Variants in NOS1 observed in about 807,000 individuals in gnomAD.
NOS1 encodes NOS type I.
Under a neutral mutation model 164.5 loss-of-function variants are expected in NOS1, and 51 were observed. That is an observed-to-expected ratio of 0.31 (90% CI 0.25 to 0.39). The LOEUF (loss-of-function observed/expected upper bound fraction) is 0.39. Among genes scored for constraint, NOS1 ranks in the 10% least tolerant of loss-of-function variants. The pLI is 1.00. For missense variants in NOS1, 1,362 were observed against 1,885.6 expected, an observed-to-expected ratio of 0.72 and a Z score of 5.14; for synonymous variants, 719 against 745.8, an observed-to-expected ratio of 0.96 and a Z score of 0.59.
At position 117,209,375 on chromosome 12, in the gene NOS1, C is replaced by T; in HGVS notation, c.*5934G>A. 1.0e-6 allele frequency: 1 copy of T among 983,974 alleles called. No homozygotes were observed. Among genetic ancestry groups the T allele is most frequent in the African/African-American group, 1.7e-5 (1 of 57,332 alleles). The allele number at this position is 983,974 out of a possible 1,614,324, so 61.0% of individuals were successfully genotyped here. A position where few individuals can be genotyped will look rare whatever the true frequency, so the allele number is the denominator to read the frequency against. On this transcript the variant is annotated 3_prime_UTR_variant, in exon 29 of 29. Coordinates refer to ENST00000317775, the MANE Select transcript of NOS1 (RefSeq NM_000620.5). Reference sequence around the variant, plus strand: ...GCCCCCACAAGAAAGAATTACCCAGCCCCAAATGCCAATAGTGCTAAGGTT... The same window carrying T: ...GCCCCCACAAGAAAGAATTACCCAGTCCCAAATGCCAATAGTGCTAAGGTT...
chr12:117,359,879 TATATA>T (rs1877043381), intron 1 of NOS1, among the ~76,000 whole-genome samples: 4 of 24,070 alleles, frequency 1.7e-4, no homozygotes, highest in Non-Finnish European at 2.4e-4. Context: ...AATGGTTTTA[TATATA>T]TATATATATA....
chr12:117,225,344 T>C (rs556284864), intron 24 of NOS1, among the ~76,000 whole-genome samples: 1 of 152,242 alleles, frequency 6.6e-6, no homozygotes, highest in Admixed American at 6.5e-5. Flanking sequence ...TTCTGGCTAT[T>C]TCTCCATTCC....
rs536990098 is a variant in NOS1 at position 117,242,845 on chromosome 12, G to T, written c.2963-140C>A. ...GTGGGAGGATCACTTGAGGCCAGGGGTTCAAGACCAGCCTGGGAAACATAA... is the reference window on the plus strand; with the variant it reads ...GTGGGAGGATCACTTGAGGCCAGGGTTTCAAGACCAGCCTGGGAAACATAA... On this transcript the variant is annotated intron_variant, in intron 19 of 28. Coordinates refer to ENST00000317775, the MANE Select transcript of NOS1 (RefSeq NM_000620.5). 72 of 699,374 alleles carry T rather than the reference G, an allele frequency of 1.0e-4. No individual in the cohort carries two copies. The African/African-American group carries it at 1.2e-3, about 11-fold the overall frequency. The allele number at this position is 699,374 out of a possible 1,614,324, so 43.3% of individuals were successfully genotyped here.
intron 15 of NOS1, among the ~76,000 whole-genome samples, chr12:117,258,683 C>T (rs1871654775): frequency 6.6e-6 from 1 of 152,156 alleles, no homozygotes; most frequent in South Asian, 2.1e-4. Context: ...ACCCCCAGCA[C>T]ACAACTTCCC....
At position 117,211,701 on chromosome 12, in the gene NOS1, G is replaced by C; in HGVS notation, c.*3608C>G. 1 of 985,458 alleles carries C rather than the reference G, an allele frequency of 1.0e-6. No individual in the cohort carries two copies. Among genetic ancestry groups the C allele is most frequent in the Non-Finnish European group, 1.2e-6 (1 of 830,026 alleles). The allele number at this position is 985,458 out of a possible 1,614,324, so 61.0% of individuals were successfully genotyped here. On this transcript the variant is annotated 3_prime_UTR_variant, in exon 29 of 29. Transcript: ENST00000317775. Reference sequence around the variant, plus strand: ...AACTCTTACCTTCCAGAAGCTACCAGTGAAATCCCGCCCATTTCTCAAACC... The same window carrying C: ...AACTCTTACCTTCCAGAAGCTACCACTGAAATCCCGCCCATTTCTCAAACC...
At chr12:117,276,626 C>T (rs1009319406) in intron 9 of NOS1, among the ~76,000 whole-genome samples, 1 of 152,010 alleles carries the variant, frequency 6.6e-6, no homozygotes, top group African/African-American at 2.4e-5. Context: ...CCCCTCACCC[C>T]CTCCACTACC....
In NOS1 at chr12:117,256,284, G is replaced by GTTTTTTTTTTTTTTTTTTTTTTTT. The variant is rs57047376; in HGVS notation, c.2531+2112_2531+2113insAAAAAAAAAAAAAAAAAAAAAAAA. 2.1e-3 allele frequency among the ~76,000 whole-genome samples: 251 copies of GTTTTTTTTTTTTTTTTTTTTTTTT among 118,416 alleles called. 27 individuals carry two copies. The highest frequency in any genetic ancestry group is 6.2e-3 in the African/African-American group (162 of 26,136). The allele number at this position is 118,416 out of a possible 152,430, so 77.7% of individuals were successfully genotyped here. A position where few individuals can be genotyped will look rare whatever the true frequency, so the allele number is the denominator to read the frequency against. ...CAAAGAAAATCAGAAGGGATTTTCT[G>GTTTTTTTTTTTTTTTTTTTTTTTT]TTTTTTTTTTTTGAGACGGAGTCTC... is the stretch of plus-strand genomic sequence containing the variant. On this transcript the variant is annotated intron_variant, in intron 16 of 28. Coordinates refer to ENST00000317775, the MANE Select transcript of NOS1 (RefSeq NM_000620.5).
In NOS1 at chr12:117,227,585, C is replaced by T; in HGVS notation, c.3462G>A (p.Val1154=). The part of the protein sequence containing the change: ...KWGKNPTIVE[V]LEEFPSIQMP... ...TCTGGATAGATGGGAACTCCTCCAG[C>T]ACCTCCACGATGGTGGGGTTCTTGC... is the stretch of plus-strand genomic sequence containing the variant. Residue 1154 remains valine (V), a synonymous_variant, in exon 23 of 29, where the codon GTG becomes GTA. Transcript: ENST00000317775. 6.2e-7 allele frequency: 1 copy of T among 1,613,992 alleles called. No homozygotes were observed. The highest frequency in any genetic ancestry group is 1.1e-5 in the South Asian group (1 of 91,042).
At chr12:117,255,807 GT>G (rs1433419008) in intron 16 of NOS1, 2 of 459,320 alleles carry the variant, frequency 4.4e-6, no homozygotes, top group African/African-American at 4.0e-5. Context: ...CACTTAGTGA[GT>G]TAGTGACACA....
chr12:117,331,753 G>A (rs760063545), intron 1 of NOS1, among the ~76,000 whole-genome samples: 1 of 152,158 alleles, frequency 6.6e-6, no homozygotes, highest in Non-Finnish European at 1.5e-5. Flanking sequence ...GGCAAACATG[G>A]ACAGTCAGCC....
At chr12:117,305,172 G>T in intron 3 of NOS1, 2 of 725,200 alleles carry the variant, frequency 2.8e-6, no homozygotes, top group Non-Finnish European at 3.4e-6. Flanking sequence ...AAGGATAGAA[G>T]CTGATTCCGG....
At chr12:117,358,135 G>A (rs1024858813) in intron 1 of NOS1, among the ~76,000 whole-genome samples, 2 of 152,176 alleles carry the variant, frequency 1.3e-5, no homozygotes, top group East Asian at 1.9e-4. Context: ...GATTGTGAGC[G>A]CAACAGGCAC....
intron 1 of NOS1, chr12:117,347,926 C>T (rs528023707): frequency 6.6e-6 from 1 of 152,220 alleles, no homozygotes; most frequent in South Asian, 2.1e-4. Flanking sequence ...TGATGTCAAA[C>T]CAGTCCTTGC....
chr12:117,238,294 C>T (rs1869885605), intron 20 of NOS1, among the ~76,000 whole-genome samples: 1 of 152,022 alleles, frequency 6.6e-6, no homozygotes, highest in African/African-American at 2.4e-5. Flanking sequence ...TGGGGGTGGC[C>T]AGAAATTCAC....
At chr12:117,300,590 G>C (rs1873754348) in intron 3 of NOS1, among the ~76,000 whole-genome samples, 1 of 152,086 alleles carries the variant, frequency 6.6e-6, no homozygotes, top group Non-Finnish European at 1.5e-5. Flanking sequence ...GAGAGACTGT[G>C]TTCAGTATAC....
In NOS1 at chr12:117,280,880, A is replaced by T; in HGVS notation, c.1383-14T>A. The T allele has an allele frequency of 6.2e-7, 1 of 1,613,020 alleles. No individual in the cohort carries two copies. Among genetic ancestry groups the T allele is most frequent in the Non-Finnish European group, 8.5e-7 (1 of 1,179,390 alleles). On this transcript the variant is annotated splice_polypyrimidine_tract_variant and intron_variant, in intron 7 of 28. Transcript: ENST00000317775. ...GTGATGGCAGACCTGTGGTGGAGAG[A>T]GGGGAACACCCGGCATCAGGGCGGG...
At chr12:117,291,899 C>T (rs906487971) in intron 3 of NOS1, among the ~76,000 whole-genome samples, 5 of 152,108 alleles carry the variant, frequency 3.3e-5, no homozygotes, top group Admixed American at 3.3e-4. Context: ...CAGGCACACA[C>T]ATGCATCAGG....
At position 117,331,318 on chromosome 12, in the gene NOS1, A is replaced by T. The variant is rs1223587528; in HGVS notation, c.-249T>A. 1.6e-5 allele frequency: 8 copies of T among 510,014 alleles called. No individual in the cohort carries two copies. The South Asian group carries it at 2.3e-4, about 14-fold the overall frequency. 31.6% of individuals were successfully genotyped at this position (510,014 alleles called of 1,614,324 possible). On this transcript the variant is annotated 5_prime_UTR_variant, in exon 2 of 29. Transcript: ENST00000317775. ...TTATTCTCTAAGGAAGTGATGGTTG[A>T]CCAGGCAGACGTCAAGAGAGGCGGT...
chr12:117,248,222 T>C (rs1174326692), intron 17 of NOS1, among the ~76,000 whole-genome samples: 1 of 151,756 alleles, frequency 6.6e-6, no homozygotes, highest in Non-Finnish European at 1.5e-5. Context: ...ATACTTTAAG[T>C]TTTAGGGTAC....
Sources: gnomAD v4.1 joint callset for allele counts (sites outside exome capture counted in the v4.1 genomes callset) on GRCh38, gnomAD v4.1.1 for gene constraint, MANE v1.5 for transcripts, NCBI Gene and HGNC (gene_info 2026-07-23, HGNC 2026-07-21) for gene names.